The following ACSS2 variants were observed in gnomAD, a reference collection of about 807,000 sequenced individuals.
ACSS2 encodes the protein acyl-CoA synthetase short chain family member 2.
A neutral mutation model predicts 90.6 loss-of-function variants in ACSS2; 58 were observed. That is an observed-to-expected ratio of 0.64 (90% CI 0.52 to 0.80). The LOEUF (loss-of-function observed/expected upper bound fraction) is 0.80. Ranked by LOEUF, ACSS2 falls within the 30% of genes least tolerant of loss-of-function variation. The pLI is 0.00. For synonymous variants in ACSS2, 300 were observed against 330.9 expected (o/e 0.91, Z 1.01); for missense variants, 759 against 912.0 (o/e 0.83, Z 2.16).
intron 14 of ACSS2, among the ~76,000 whole-genome samples, chr20:34,924,331 TAGATAG>T (rs1447188911): frequency 1.3e-5 from 2 of 152,280 alleles, no homozygotes; most frequent in African/African-American, 2.4e-5. Context: ...AAGCTTATCT[TAGATAG>T]AGATAAATGC....
At chr20:34,878,826 T>A (rs549734641) in intron 1 of ACSS2, among the ~76,000 whole-genome samples, 1 of 152,332 alleles carries the variant, frequency 6.6e-6, no homozygotes, top group East Asian at 1.9e-4. Context: ...AAATATGCTT[T>A]CATATGTCAC....
intron 2 of ACSS2, among the ~76,000 whole-genome samples, chr20:34,886,348 G>A (rs1211125662): frequency 6.6e-6 from 1 of 152,126 alleles, no homozygotes; most frequent in East Asian, 1.9e-4. Flanking sequence ...GCTGGGTGCA[G>A]TGGCTTATAC....
chr20:34,913,966 C>G, intron 5 of ACSS2, 130 bp from the exon 6 acceptor site: 1 of 1,366,796 alleles, frequency 7.3e-7, no homozygotes, highest in Non-Finnish European at 1.0e-6. Context: ...CCTCAGCTGA[C>G]CCTCTGTCAG....
chr20:34,877,066 G>A (rs1489437333), intron 1 of ACSS2, among the ~76,000 whole-genome samples: 3 of 152,186 alleles, frequency 2.0e-5, no homozygotes, highest in African/African-American at 7.2e-5. Flanking sequence ...TTTTTGCGAG[G>A]AGACGCGGGA....
upstream of ACSS2, among the ~76,000 whole-genome samples, chr20:34,876,253 G>T (rs1262505499): frequency 6.6e-6 from 1 of 151,730 alleles, no homozygotes; most frequent in Non-Finnish European, 1.5e-5. Context: ...CAACCAGCCG[G>T]GTTACTCCCC....
At chr20:34,919,668 T>A (rs2081154427) in intron 8 of ACSS2, 96 bp downstream of exon 8, 1 of 1,464,750 alleles carries the variant, frequency 6.8e-7, no homozygotes, top group Admixed American at 2.2e-5. Context: ...AGTAATGAAA[T>A]TATTTTTTTC....
At chr20:34,908,929 C>T (rs1267007002) in intron 2 of ACSS2, 2 of 444,086 alleles carry the variant, frequency 4.5e-6, no homozygotes, top group African/African-American at 2.1e-5. Context: ...ATTCATCCTA[C>T]AGATATACTT....
In ACSS2 at chr20:34,877,418, G is replaced by A. The variant is rs181900638; in HGVS notation, c.178+595G>A. On this transcript the variant is annotated intron_variant, in intron 1 of 17. Coordinates refer to ENST00000360596, the MANE Select transcript of ACSS2 (RefSeq NM_018677.4). ...AATTACGCGGTATAAGACTGAACGA[G>A]TTACTACGATGTCAAGTTGTTTTAT... Among the ~76,000 whole-genome samples the A allele has an allele frequency of 1.2e-4, 19 of 152,300 alleles. No individual in the cohort carries two copies. In the East Asian group the frequency reaches 3.3e-3, roughly 26 times the overall value.
At chr20:34,894,493 AAAT>A (rs1158239534) in intron 2 of ACSS2, among the ~76,000 whole-genome samples, 1 of 151,790 alleles carries the variant, frequency 6.6e-6, no homozygotes, top group Non-Finnish European at 1.5e-5. Flanking sequence ...CTGTCTCAAA[AAAT>A]AATAATAATA....
At chr20:34,892,878 A>C (rs1161046898) in intron 2 of ACSS2, among the ~76,000 whole-genome samples, 1 of 152,146 alleles carries the variant, frequency 6.6e-6, no homozygotes, top group Non-Finnish European at 1.5e-5. Flanking sequence ...AAAACCCCTG[A>C]TCTAGTCCAG....
rs576504556 is a variant in ACSS2, at chr20:34,904,783, C to G, written c.375-8313C>G. On this transcript the variant is annotated intron_variant, in intron 2 of 17. Coordinates refer to ENST00000360596, the MANE Select transcript of ACSS2 (RefSeq NM_018677.4). Reference sequence around the variant, plus strand: ...CTAGTGACTGTGTACCATGGGTTGTCACACCAACCATATGGCCTCCAGGTG... The same window carrying G: ...CTAGTGACTGTGTACCATGGGTTGTGACACCAACCATATGGCCTCCAGGTG... Among the ~76,000 whole-genome samples the G allele has an allele frequency of 2.0e-5, 3 of 152,186 alleles. No individual in the cohort carries two copies. The South Asian group carries it at 6.2e-4, about 32-fold the overall frequency.
chr20:34,898,768 T>C (rs1335770631), intron 2 of ACSS2, among the ~76,000 whole-genome samples: 2 of 152,118 alleles, frequency 1.3e-5, no homozygotes, highest in Admixed American at 1.3e-4. Flanking sequence ...GGGCTGCAGG[T>C]GGAGCTGCCT....
Position 34,914,409 on chromosome 20 carries a change from CA to C in ACSS2, c.808del (p.Ile270LeufsTer68), listed in dbSNP as rs2147079668. ...GGTGACTCCACCAGCCAGTCCCCCC[CA>C]ATTAAGAGGTCATGCCCAGATGTGC... The part of the protein sequence containing the change: ...GMGDSTSQSP[P>X]IKRSCPDVQI... On this transcript the variant is annotated frameshift_variant, in exon 7 of 18. Coordinates refer to ENST00000360596, the MANE Select transcript of ACSS2 (RefSeq NM_018677.4). LOFTEE classifies it high-confidence loss of function. The C allele has an allele frequency of 6.2e-7, 1 of 1,613,860 alleles. No individual in the cohort carries two copies. The highest frequency in any genetic ancestry group is 2.2e-5 in the East Asian group (1 of 44,876).
intron 2 of ACSS2, among the ~76,000 whole-genome samples, chr20:34,903,892 A>T (rs1274060472): frequency 2.4e-5 from 3 of 125,414 alleles, no homozygotes; most frequent in African/African-American, 8.7e-5. Context: ...AAAAAAAAAA[A>T]GTTGGGGGGT....
In ACSS2 at chr20:34,914,021, A is replaced by G; in HGVS notation, c.644-75A>G. 2.6e-6 allele frequency: 4 copies of G among 1,524,754 alleles called. No homozygotes were observed. In the South Asian group the frequency reaches 4.5e-5, roughly 17 times the overall value. 94.5% of individuals were successfully genotyped at this position (1,524,754 alleles called of 1,614,324 possible). ...CCAGAGTTAAGAGGCCTACTCAGGA[A>G]GGGCCCTATGGACATTGTGCCCACT... On this transcript the variant is annotated intron_variant, in intron 5 of 17. Transcript: ENST00000360596.
At chr20:34,917,506 T>A (rs978710205) in intron 7 of ACSS2, among the ~76,000 whole-genome samples, 1 of 152,186 alleles carries the variant, frequency 6.6e-6, no homozygotes, top group African/African-American at 2.4e-5. Context: ...ATTTTCTAAT[T>A]TATCAAGCTA....
chr20:34,917,698 A>G (rs917141679), intron 7 of ACSS2, among the ~76,000 whole-genome samples: 11 of 152,136 alleles, frequency 7.2e-5, no homozygotes, highest in African/African-American at 2.7e-4. Flanking sequence ...GCAAACCCCA[A>G]ACAGTTCCTA....
chr20:34,908,464 C>G (rs2080862949), intron 2 of ACSS2, among the ~76,000 whole-genome samples: 1 of 152,110 alleles, frequency 6.6e-6, no homozygotes, highest in Non-Finnish European at 1.5e-5. Context: ...GATTGCCTAC[C>G]TCTCATTATT....
intron 2 of ACSS2, among the ~76,000 whole-genome samples, chr20:34,906,983 C>CAAAAA: frequency 2.4e-5 from 1 of 41,564 alleles, no homozygotes; most frequent in Non-Finnish European, 5.6e-5. Flanking sequence ...GACTCCATCT[C>CAAAAA]AAAAAAAAAA....
Sources: gnomAD v4.1 joint callset for allele counts (sites outside exome capture counted in the v4.1 genomes callset) on GRCh38, gnomAD v4.1.1 for gene constraint, MANE v1.5 for transcripts, NCBI Gene and HGNC (gene_info 2026-07-23, HGNC 2026-07-21) for gene names.